The following SEC14L1 variants were observed in gnomAD, a reference collection of about 807,000 sequenced individuals.
SEC14L1 encodes the protein SEC14-like protein 1.
A neutral mutation model predicts 85.3 loss-of-function variants in SEC14L1; 48 were observed. That is an observed-to-expected ratio of 0.56 (90% confidence interval 0.45 to 0.72). SEC14L1 has a LOEUF of 0.72. SEC14L1 is among the 30% of genes least tolerant of loss of function. SEC14L1 has a pLI of 0.00. For synonymous variants in SEC14L1, 391 were observed against 355.5 expected (o/e 1.10, Z -1.12); for missense variants, 682 against 921.4 (o/e 0.74, Z 3.36).
intron 3 of SEC14L1, chr17:77,099,166 A>G (rs753004157): frequency 2.0e-4 from 30 of 152,194 alleles, no homozygotes; most frequent in Non-Finnish European, 4.3e-4. Flanking sequence ...CCACGTTAGA[A>G]CTACAGCCCG....
At chr17:77,113,696 A>C (rs560391722) in intron 3 of SEC14L1, among the ~76,000 whole-genome samples, 172 of 152,270 alleles carry the variant, frequency 1.1e-3, no homozygotes, top group African/African-American at 3.5e-3. Context: ...CTATGAGCCG[A>C]AATTGCGCCA....
rs79529739 is a variant in SEC14L1 at position 77,097,907 on chromosome 17, C to T, written c.-136+4560C>T. 2.2e-3 allele frequency among the ~76,000 whole-genome samples: 334 copies of T among 152,164 alleles called. 3 individuals are homozygous for T. The highest frequency in any genetic ancestry group is 7.8e-3 in the African/African-American group (324 of 41,514). ...ACAGCAGCCCCACTACGGAGGAGCA[C>T]GGGATGGGGTTTGCAATTTTAGATG... is the stretch of plus-strand genomic sequence containing the variant. On this transcript the variant is annotated intron_variant, in intron 3 of 19. Transcript: ENST00000392476.
chr17:77,216,236 G>A lies in SEC14L1; in HGVS notation c.*2213G>A, dbSNP rs1284936470. 9.1e-7 allele frequency: 1 copy of A among 1,104,346 alleles called. No homozygotes were observed. The highest frequency in any genetic ancestry group is 1.1e-6 in the Non-Finnish European group (1 of 901,556). The allele number at this position is 1,104,346 out of a possible 1,614,324, so 68.4% of individuals were successfully genotyped here. Reference sequence around the variant, plus strand: ...GCTAGTAGGTAGGGTTCGTAGGTAGGGTTCGTAGGTAGGGTTCGTAGGTAG... The same window carrying A: ...GCTAGTAGGTAGGGTTCGTAGGTAGAGTTCGTAGGTAGGGTTCGTAGGTAG... On this transcript the variant is annotated 3_prime_UTR_variant, in exon 17 of 17. Transcript: ENST00000436233.
intron 3 of SEC14L1, among the ~76,000 whole-genome samples, chr17:77,108,995 T>A (rs1971988658): frequency 6.6e-6 from 1 of 152,064 alleles, no homozygotes; most frequent in South Asian, 2.1e-4. Flanking sequence ...CTAATTTTTG[T>A]ATTTTTAGTA....
At chr17:77,170,570 G>A (rs1056727792) in intron 3 of SEC14L1, among the ~76,000 whole-genome samples, 1 of 152,198 alleles carries the variant, frequency 6.6e-6, no homozygotes, top group Non-Finnish European at 1.5e-5. Context: ...TGTTTCAAAA[G>A]TGGGAATGTC....
chr17:77,203,953 C>T (rs1176438663), intron 10 of SEC14L1, among the ~76,000 whole-genome samples: 1 of 151,986 alleles, frequency 6.6e-6, no homozygotes, highest in Non-Finnish European at 1.5e-5. Context: ...CTTGGGACGC[C>T]ACTCACAGCA....
At chr17:77,171,424 G>A (rs528987430) in intron 3 of SEC14L1, among the ~76,000 whole-genome samples, 25 of 152,306 alleles carry the variant, frequency 1.6e-4, no homozygotes, top group African/African-American at 6.0e-4. Context: ...ATGGGTTCCC[G>A]TTGGGGAAGA....
intron 3 of SEC14L1, among the ~76,000 whole-genome samples, chr17:77,100,749 G>C: frequency 6.6e-6 from 1 of 151,978 alleles, no homozygotes; most frequent in Non-Finnish European, 1.5e-5. Context: ...GGCTTTCTCT[G>C]AACCTGCTGC....
rs2143108031 is a variant in SEC14L1, at chr17:77,200,509, G to A, written c.845G>A (p.Arg282Gln). ...GKIPKDEHIL[R>Q]FLRARDFNID... ...ATTCCAAAAGATGAGCATATTCTTC[G>A]GTTCCTCCGTGCACGGGATTTTAAT... Residue 282 changes from arginine (R) to glutamine (Q), a missense_variant, in exon 9 of 17, where the codon CGG (arginine) becomes CAG (glutamine). Transcript: ENST00000436233. The A allele has an allele frequency of 1.9e-6, 3 of 1,613,204 alleles. No homozygotes were observed. The highest frequency in any genetic ancestry group is 2.5e-6 in the Non-Finnish European group (3 of 1,179,652).
chr17:77,147,190 C>T (rs1398630916), intron 3 of SEC14L1, among the ~76,000 whole-genome samples: 3 of 152,186 alleles, frequency 2.0e-5, no homozygotes, highest in African/African-American at 7.2e-5. Context: ...GAAAACGCCT[C>T]ACTCAACTTA....
In SEC14L1 at chr17:77,194,660, T is replaced by C. The variant is rs778568200; in HGVS notation, c.475-17T>C. ...TGTTGAATATATACTCACCTTTAAA[T>C]TGGTTTTGTTTTAAAGGGAAAGGAA... On this transcript the variant is annotated splice_polypyrimidine_tract_variant and intron_variant, in intron 6 of 16. Transcript: ENST00000436233. 2 of 1,581,982 alleles carry C rather than the reference T, an allele frequency of 1.3e-6. No homozygotes were observed. The highest frequency in any genetic ancestry group is 2.2e-5 in the East Asian group (1 of 44,738).
chr17:77,209,565 G>A, intron 14 of SEC14L1, 89 bp downstream of exon 14: 1 of 1,399,912 alleles, frequency 7.1e-7, no homozygotes, highest in South Asian at 1.3e-5. Context: ...CTTTCATTCA[G>A]AACAGTCCAC....
chr17:77,168,507 T>A (rs1424144541), intron 3 of SEC14L1, among the ~76,000 whole-genome samples: 1 of 152,222 alleles, frequency 6.6e-6, no homozygotes, highest in East Asian at 1.9e-4. Context: ...GAGGTTAATA[T>A]TGAAGTCATA....
intron 3 of SEC14L1, among the ~76,000 whole-genome samples, chr17:77,167,799 C>G (rs978249042): frequency 6.6e-6 from 1 of 152,156 alleles, no homozygotes; most frequent in African/African-American, 2.4e-5. Flanking sequence ...GGGTTACTCC[C>G]TCTACCCAAA....
chr17:77,206,871 T>C lies in SEC14L1; in HGVS notation c.1476+9T>C, dbSNP rs375277401. ...TGAGTGGGGAGTGCATGGTATGTCC[T>C]GAGGCGAGGAACTGCACATTTGGCC... On this transcript the variant is annotated intron_variant, in intron 13 of 16. Transcript: ENST00000436233. This position sits in a 1 kb window ranked among gnomAD's most constrained non-coding sequence, Gnocchi z 4.3. 17 of 1,556,910 alleles carry C rather than the reference T, an allele frequency of 1.1e-5. No individual in the cohort carries two copies. In the African/African-American group the frequency reaches 1.4e-4, roughly 13 times the overall value.
At chr17:77,178,922 G>A (rs535884941) in intron 3 of SEC14L1, among the ~76,000 whole-genome samples, 5 of 152,316 alleles carry the variant, frequency 3.3e-5, no homozygotes, top group African/African-American at 1.2e-4. Context: ...ACAGATGGTC[G>A]CTGGATGTAG....
chr17:77,171,491 G>A (rs577412109), intron 3 of SEC14L1, among the ~76,000 whole-genome samples: 3 of 152,210 alleles, frequency 2.0e-5, no homozygotes, highest in Non-Finnish European at 4.4e-5. Flanking sequence ...CTAAAGGAAA[G>A]ATTTCTTTGA....
At chr17:77,104,820 T>TTG (rs146450397) in intron 3 of SEC14L1, among the ~76,000 whole-genome samples, 4,089 of 150,626 alleles carry the variant, frequency 0.027, 203 homozygotes, top group African/African-American at 0.094. Context: ...AAGTTTTTTT[T>TTG]TGTGTGTGTG....
At chr17:77,141,892 G>T (rs540251033) in intron 1 of SEC14L1, among the ~76,000 whole-genome samples, 1 of 152,272 alleles carries the variant, frequency 6.6e-6, no homozygotes, top group African/African-American at 2.4e-5. Flanking sequence ...ATTTTTAAAA[G>T]ATGATTGGAT....
Sources: allele counts gnomAD v4.1 joint callset (sites outside exome capture counted in the v4.1 genomes callset), GRCh38; gene constraint gnomAD v4.1.1; non-coding constraint Gnocchi (gnomAD v3.1); transcripts MANE v1.5; gene names NCBI Gene and HGNC (gene_info 2026-07-23, HGNC 2026-07-21).